The following ADRA1B variants were observed in gnomAD, a reference collection of about 807,000 sequenced individuals.
ADRA1B encodes the protein adrenoceptor alpha 1B, also known as alpha-1B adrenergic receptor.
Under a neutral mutation model 17.9 loss-of-function variants are expected in ADRA1B, and 17 were observed. That is an observed-to-expected ratio of 0.95 (90% CI 0.65 to 1.42). ADRA1B has a LOEUF of 1.42. ADRA1B is among the 40% of genes most tolerant of loss of function. The pLI, the probability that ADRA1B is intolerant of heterozygous loss-of-function variation, is 0.00. For missense variants in ADRA1B, 681 were observed against 722.1 expected, an observed-to-expected ratio of 0.94 and a Z score of 0.65; for synonymous variants, 366 against 327.6, an observed-to-expected ratio of 1.12 and a Z score of -1.27.
intron 1 of ADRA1B, among the ~76,000 whole-genome samples, chr5:159,910,905 CT>C (rs1391808438): frequency 6.6e-6 from 1 of 151,962 alleles, no homozygotes; most frequent in Non-Finnish European, 1.5e-5. Context: ...TTTGCTTTGT[CT>C]TTTGTTTTTT....
chr5:159,970,050 A>T (rs1755842059), intron 1 of ADRA1B, among the ~76,000 whole-genome samples: 1 of 152,192 alleles, frequency 6.6e-6, no homozygotes, highest in Admixed American at 6.5e-5. Context: ...CAGCTGACTT[A>T]TATTTAAAAT....
chr5:159,903,232 A>G (rs559208591), intron 1 of ADRA1B, among the ~76,000 whole-genome samples: 15 of 152,288 alleles, frequency 9.8e-5, no homozygotes, highest in African/African-American at 3.1e-4. Context: ...GGCAGAAGCA[A>G]TCAGTTAGCA....
chr5:159,899,279 G>GAAGGAAGGAAGGAAGGAAGGAAGA (rs1561585314), intron 1 of ADRA1B, among the ~76,000 whole-genome samples: 209 of 138,718 alleles, frequency 1.5e-3, no homozygotes, highest in African/African-American at 5.6e-3. Context: ...AGGAAGGAAG[G>GAAGGAAGGAAGGAAGGAAGGAAGA]AAGGAAGGAA....
At chr5:159,927,804 G>A (rs1255562559) in intron 1 of ADRA1B, among the ~76,000 whole-genome samples, 1 of 152,028 alleles carries the variant, frequency 6.6e-6, no homozygotes, top group African/African-American at 2.4e-5. Context: ...CAGAGCCTCA[G>A]ATGGGGAGGA....
At chr5:159,917,924 A>T in intron 1 of ADRA1B, 70 bp downstream of exon 1, 1 of 1,350,388 alleles carries the variant, frequency 7.4e-7, no homozygotes, top group Non-Finnish European at 1.0e-6. Context: ...AGCTTACTCT[A>T]AAGTTTTTTG....
chr5:159,907,200 G>C (rs1439271264), intron 1 of ADRA1B, among the ~76,000 whole-genome samples: 1 of 152,164 alleles, frequency 6.6e-6, no homozygotes, highest in African/African-American at 2.4e-5. Context: ...CTGGCCAACT[G>C]CCTGCCACAC....
intron 1 of ADRA1B, among the ~76,000 whole-genome samples, chr5:159,889,957 C>T (rs1245473045): frequency 6.6e-6 from 1 of 152,240 alleles, no homozygotes; most frequent in Middle Eastern, 3.4e-3. Context: ...CCTATGATAT[C>T]CAAAAGAAAT....
chr5:159,895,369 C>T (rs1198484739), intron 1 of ADRA1B, among the ~76,000 whole-genome samples: 1 of 152,228 alleles, frequency 6.6e-6, no homozygotes, highest in Non-Finnish European at 1.5e-5. Flanking sequence ...AACTGTGCTA[C>T]ATGCTTTCTT....
At chr5:159,976,649 CA>C (rs778613423), downstream of ADRA1B, among the ~76,000 whole-genome samples, 2,768 of 100,246 alleles carry the variant, frequency 0.028, 33 homozygotes, top group Middle Eastern at 0.03. Context: ...CTCACTGTCT[CA>C]AAAAAAAAAA....
downstream of ADRA1B, among the ~76,000 whole-genome samples, chr5:159,977,169 T>A (rs1033014243): frequency 2.0e-5 from 3 of 152,162 alleles, no homozygotes; most frequent in African/African-American, 7.2e-5. Context: ...CACCTATTAT[T>A]CCCACCCCGC....
intron 1 of ADRA1B, among the ~76,000 whole-genome samples, chr5:159,908,319 C>T (rs186562650): frequency 2.6e-5 from 4 of 152,280 alleles, no homozygotes; most frequent in Admixed American, 2.0e-4. Context: ...ATCAACCACG[C>T]TATGGTTTGA....
chr5:159,959,218 G>C (rs781164260), intron 1 of ADRA1B, among the ~76,000 whole-genome samples: 7 of 152,236 alleles, frequency 4.6e-5, no homozygotes, highest in Non-Finnish European at 1.0e-4. Context: ...GTCTGGAGCA[G>C]TCAGGAAGGG....
chr5:159,935,634 C>T (rs925239197), intron 1 of ADRA1B, among the ~76,000 whole-genome samples: 2 of 152,302 alleles, frequency 1.3e-5, no homozygotes, highest in Admixed American at 6.5e-5. Context: ...GCAATCTCCA[C>T]CTCCTGGGTT....
rs1753760091 is a variant in ADRA1B, at chr5:159,872,723, G to A, written c.-256+7517G>A. 2.0e-5 allele frequency among the ~76,000 whole-genome samples: 3 copies of A among 152,168 alleles called. No individual in the cohort carries two copies. In the South Asian group the frequency reaches 6.2e-4, roughly 32 times the overall value. On this transcript the variant is annotated intron_variant, in intron 1 of 2. Coordinates refer to the ADRA1B transcript ENST00000641205. ...CCAAGGTCCTGAGAGGCAGTTTCAT[G>A]GCTCTGAAATCTGCAATAAAACCTT...
downstream of ADRA1B, among the ~76,000 whole-genome samples, chr5:159,974,406 G>A (rs772901160): frequency 3.9e-5 from 6 of 152,118 alleles, no homozygotes; most frequent in South Asian, 4.1e-4. Flanking sequence ...AGGCCGAGAC[G>A]GGTGGATCAC....
At chr5:159,896,495 T>A (rs757149056) in intron 1 of ADRA1B, among the ~76,000 whole-genome samples, 14 of 152,216 alleles carry the variant, frequency 9.2e-5, no homozygotes, top group Non-Finnish European at 1.8e-4. Context: ...CCTGGAATTC[T>A]CATGTTCCTT....
At chr5:159,943,962 T>C (rs1755205950) in intron 1 of ADRA1B, among the ~76,000 whole-genome samples, 1 of 150,892 alleles carries the variant, frequency 6.6e-6, no homozygotes, top group Non-Finnish European at 1.5e-5. Flanking sequence ...ACACACATTC[T>C]CACTCCCCAG....
intron 1 of ADRA1B, among the ~76,000 whole-genome samples, chr5:159,958,930 G>A (rs568617189): frequency 6.6e-6 from 1 of 152,336 alleles, no homozygotes; most frequent in Admixed American, 6.5e-5. Flanking sequence ...GAAGCTTAGT[G>A]CTGCAGAAAC....
chr5:159,916,165 G>T (rs957930731), upstream of ADRA1B: 1 of 151,786 alleles, frequency 6.6e-6, no homozygotes, highest in African/African-American at 2.4e-5. Context: ...CCCACTCCGG[G>T]AGCCCCCTAT....
Sources: allele counts gnomAD v4.1 joint callset (sites outside exome capture counted in the v4.1 genomes callset), GRCh38; gene constraint gnomAD v4.1.1; transcripts MANE v1.5; gene names NCBI Gene and HGNC (gene_info 2026-07-23, HGNC 2026-07-21).